MMEL1: variants seen among roughly 807,000 people sequenced by gnomAD.
MMEL1 encodes the protein membrane metalloendopeptidase like 1, also known as membrane metallo-endopeptidase-like 1.
In MMEL1, 98 loss-of-function variants were observed where a neutral mutation model predicts 117.1. That is an observed-to-expected ratio of 0.84 (90% CI 0.71 to 0.99). MMEL1 has a LOEUF of 0.99. Among genes scored for constraint, MMEL1 ranks in the 50% least tolerant of loss-of-function variants. The pLI is 0.00. For missense variants in MMEL1, 1,014 were observed against 1,049.1 expected (o/e 0.97, Z 0.46); for synonymous variants, 390 against 415.1 (o/e 0.94, Z 0.74).
chr1:2,610,003 G>A (rs1055311831), intron 4 of MMEL1, among the ~76,000 whole-genome samples, 172 bp from the exon 5 acceptor site: 1 of 152,182 alleles, frequency 6.6e-6, no homozygotes, highest in Admixed American at 6.5e-5. Flanking sequence ...CTGAGCTGCA[G>A]AGAGGGAATC....
At chr1:2,610,380 C>T (rs1285072746) in intron 4 of MMEL1, among the ~76,000 whole-genome samples, 1 of 152,158 alleles carries the variant, frequency 6.6e-6, no homozygotes, top group Non-Finnish European at 1.5e-5. Context: ...CCCTCCGAGA[C>T]TCATTTCCTT....
At chr1:2,594,565 C>A in intron 17 of MMEL1, 122 bp from the exon 18 acceptor site, 1 of 1,252,700 alleles carries the variant, frequency 8.0e-7, no homozygotes, top group South Asian at 1.3e-5. Flanking sequence ...AGGCCTATCC[C>A]AAGATCTGGT....
chr1:2,622,872 A>C (rs1230443273), intron 2 of MMEL1, among the ~76,000 whole-genome samples: 1 of 135,154 alleles, frequency 7.4e-6, no homozygotes, highest in Non-Finnish European at 1.5e-5. Context: ...TGAAAGAGTG[A>C]AACTCTGTCT....
chr1:2,631,355 C>G (rs1222290016), intron 1 of MMEL1, among the ~76,000 whole-genome samples: 3 of 152,112 alleles, frequency 2.0e-5, no homozygotes, highest in Non-Finnish European at 4.4e-5. Context: ...GCTGAGACTG[C>G]CAGCACCTGG....
At chr1:2,620,659 G>T (rs530531740) in intron 2 of MMEL1, among the ~76,000 whole-genome samples, 5 of 152,212 alleles carry the variant, frequency 3.3e-5, no homozygotes, top group Non-Finnish European at 4.4e-5. Flanking sequence ...CCTCATAAGA[G>T]GGGGAAGAAA....
chr1:2,599,555 T>C (rs1644898004), intron 11 of MMEL1, among the ~76,000 whole-genome samples: 1 of 152,250 alleles, frequency 6.6e-6, no homozygotes, highest in East Asian at 1.9e-4. Flanking sequence ...ATAAAAACTC[T>C]TGGCAAATAA....
chr1:2,611,951 T>C (rs989821682), intron 3 of MMEL1, among the ~76,000 whole-genome samples, 176 bp downstream of exon 3: 16 of 152,154 alleles, frequency 1.1e-4, no homozygotes, highest in African/African-American at 3.9e-4. Context: ...GTAAGCCTCC[T>C]GCGTCCAGCA....
rs769236640 is a variant in MMEL1, at chr1:2,611,381, A to C, written c.233-41T>G. On this transcript the variant is annotated intron_variant, in intron 3 of 23. Coordinates refer to ENST00000378412, the MANE Select transcript of MMEL1 (RefSeq NM_033467.4). ...AGCCTGAGCACCGGGAGCCACGGAG[A>C]GGGTGGGGCAGGACTGGAGTGGGTG... is the stretch of plus-strand genomic sequence containing the variant. The C allele has an allele frequency of 1.5e-5, 17 of 1,108,788 alleles. No individual in the cohort carries two copies. The South Asian group carries it at 3.3e-4, about 21-fold the overall frequency. The allele number at this position is 1,108,788 out of a possible 1,614,324, so 68.7% of individuals were successfully genotyped here. A position where few individuals can be genotyped will look rare whatever the true frequency, so the allele number is the denominator to read the frequency against.
rs924327621 is a variant in MMEL1, at chr1:2,611,389, G to A, written c.233-49C>T. ...CACCGGGAGCCACGGAGAGGGTGGG[G>A]CAGGACTGGAGTGGGTGTGGGCGGG... On this transcript the variant is annotated intron_variant, in intron 3 of 23. Coordinates refer to ENST00000378412, the MANE Select transcript of MMEL1 (RefSeq NM_033467.4). 2.8e-6 allele frequency: 4 copies of A among 1,439,012 alleles called. No individual in the cohort carries two copies. In the Admixed American group the frequency reaches 9.5e-5, roughly 34 times the overall value. 89.1% of individuals were successfully genotyped at this position (1,439,012 alleles called of 1,614,324 possible).
At chr1:2,593,086 C>T in intron 19 of MMEL1, 120 bp from the exon 20 acceptor site, 1 of 1,317,318 alleles carries the variant, frequency 7.6e-7, no homozygotes, top group South Asian at 1.3e-5. Flanking sequence ...TACGGAGAGC[C>T]CACAGTCTGA....
At position 2,612,650 on chromosome 1, in the gene MMEL1, G is replaced by A. The variant is rs1475822381; in HGVS notation, c.155-446C>T. ...GAGGGACAGGGCCTTTTCAGAGAGG[G>A]TGGCTTCCCACTAATGACCCTTGTC... On this transcript the variant is annotated intron_variant, in intron 2 of 23. Coordinates refer to ENST00000378412, the MANE Select transcript of MMEL1 (RefSeq NM_033467.4). This position sits in a 1 kb window ranked among gnomAD's most constrained non-coding sequence, Gnocchi z 5.4. 2.0e-5 allele frequency among the ~76,000 whole-genome samples: 3 copies of A among 152,102 alleles called. No homozygotes were observed. Among genetic ancestry groups the A allele is most frequent in the Non-Finnish European group, 4.4e-5 (3 of 68,018 alleles).
At chr1:2,629,296 A>G (rs4648657) in intron 2 of MMEL1, 35 bp downstream of exon 2, 977,271 of 1,511,754 alleles carry the variant, frequency 0.65, 319,923 homozygotes, top group Middle Eastern at 0.69. Context: ...GAGAGCGGGC[A>G]CGGGGACAGG....
At position 2,598,314 on chromosome 1, in the gene MMEL1, G is replaced by A. The variant is rs751116473; in HGVS notation, c.1179-14C>T. ...TTCTGTATGGTCCTGGGGGCAGAAGGTAGAGGGTGAGGGGAGAACAGGTGA... is the reference window on the plus strand; with the variant it reads ...TTCTGTATGGTCCTGGGGGCAGAAGATAGAGGGTGAGGGGAGAACAGGTGA... On this transcript the variant is annotated splice_polypyrimidine_tract_variant and intron_variant, in intron 12 of 23. Transcript: ENST00000378412. 7 of 1,613,190 alleles carry A rather than the reference G, an allele frequency of 4.3e-6. No homozygotes were observed. Among genetic ancestry groups the A allele is most frequent in the Non-Finnish European group, 5.9e-6 (7 of 1,179,312 alleles).
intron 2 of MMEL1, among the ~76,000 whole-genome samples, chr1:2,614,893 AAG>A (rs1557549008): frequency 6.6e-6 from 1 of 151,542 alleles, no homozygotes; most frequent in Non-Finnish European, 1.5e-5. Flanking sequence ...AAAAGTAAGA[AAG>A]TGCTCCCCCC....
Position 2,592,967 on chromosome 1 carries a change from C to G in MMEL1, c.1868-1G>C. 2.5e-6 allele frequency: 4 copies of G among 1,613,112 alleles called. No homozygotes were observed. The highest frequency in any genetic ancestry group is 3.4e-6 in the Non-Finnish European group (4 of 1,179,814). On this transcript the variant is annotated splice_acceptor_variant, in intron 19 of 23. Coordinates refer to ENST00000378412, the MANE Select transcript of MMEL1 (RefSeq NM_033467.4). LOFTEE classifies it high-confidence loss of function. ...TTGCCATTCTTGTCGAAGTTCCGGC[C>G]TGGGCAGGGGCAGAGGAGGGCTGCC...
At chr1:2,618,594 G>A (rs1158142847) in intron 2 of MMEL1, among the ~76,000 whole-genome samples, 1 of 152,116 alleles carries the variant, frequency 6.6e-6, no homozygotes, top group African/African-American at 2.4e-5. Context: ...AATCACAGAC[G>A]GCTTGTCATG....
At chr1:2,591,189 T>G (rs1644691296) in intron 23 of MMEL1, 100 bp from the exon 24 acceptor site, 1 of 749,340 alleles carries the variant, frequency 1.3e-6, no homozygotes, top group African/African-American at 1.8e-5. Flanking sequence ...AACATCAGCC[T>G]AATGGCTCAT....
chr1:2,618,581 T>C (rs937018817), intron 2 of MMEL1, among the ~76,000 whole-genome samples: 2 of 152,194 alleles, frequency 1.3e-5, no homozygotes, highest in Non-Finnish European at 2.9e-5. Context: ...CTGGAGGATG[T>C]GTAATCACAG....
chr1:2,593,015 G>C (rs1337891392), intron 19 of MMEL1, 49 bp from the exon 20 acceptor site: 2 of 1,598,666 alleles, frequency 1.3e-6, no homozygotes, highest in African/African-American at 2.7e-5. Context: ...GCTGCACTGT[G>C]CCTGGCCCCA....
Sources: allele counts gnomAD v4.1 joint callset (sites outside exome capture counted in the v4.1 genomes callset), GRCh38; gene constraint gnomAD v4.1.1; non-coding constraint Gnocchi (gnomAD v3.1); transcripts MANE v1.5; gene names NCBI Gene and HGNC (gene_info 2026-07-23, HGNC 2026-07-21).